RAMACL: variants seen among roughly 807,000 people sequenced by gnomAD.
RAMACL encodes RNA guanine-N7 methyltransferase-activating subunit-like protein.
Under a neutral mutation model 13.4 loss-of-function variants are expected in RAMACL, and 9 were observed. The observed-to-expected ratio is 0.67, with a 90% CI of 0.41 to 1.17. The LOEUF is 1.17. RAMACL is among the 50% of genes most tolerant of loss of function. The probability of loss-of-function intolerance (pLI) is 0.01; values close to 1 mark genes in which losing one functional copy is unlikely to be tolerated. For missense variants in RAMACL, 124 were observed against 141.6 expected, an observed-to-expected ratio of 0.88 and a Z score of 0.63; for synonymous variants, 39 against 49.3, an observed-to-expected ratio of 0.79 and a Z score of 0.88.
At chr6:166,584,936 G>T (rs1042341464), downstream of RAMACL, among the ~76,000 whole-genome samples, 6 of 152,232 alleles carry the variant, frequency 3.9e-5, no homozygotes, top group Non-Finnish European at 5.9e-5. Flanking sequence ...TTAAGATCCC[G>T]AGGGGGTGGC....
At chr6:166,586,528 G>A (rs1366048917) in exon 1 of RAMACL, 4 of 1,537,702 alleles carry the variant, frequency 2.6e-6, no homozygotes, top group Non-Finnish European at 3.5e-6. Flanking sequence ...TGTTTAGGTT[G>A]TTTAAATCCG....
chr6:166,585,049 T>A, downstream of RAMACL, among the ~76,000 whole-genome samples: 1 of 151,908 alleles, frequency 6.6e-6, no homozygotes, highest in Non-Finnish European at 1.5e-5. Flanking sequence ...TCTTTGCACC[T>A]CTGAGTGCTG....
At chr6:166,585,260 A>G (rs1320816176), downstream of RAMACL, among the ~76,000 whole-genome samples, 5 of 152,182 alleles carry the variant, frequency 3.3e-5, no homozygotes. Context: ...GCTGGGATGG[A>G]CTTTCAGTCT....
At chr6:166,585,456 T>C (rs1220557804), downstream of RAMACL, among the ~76,000 whole-genome samples, 3 of 151,906 alleles carry the variant, frequency 2.0e-5, no homozygotes, top group Non-Finnish European at 4.4e-5. Context: ...GGCTGATCTT[T>C]TAAGGTTAAA....
downstream of RAMACL, among the ~76,000 whole-genome samples, chr6:166,584,295 C>A (rs1474928525): frequency 7.2e-5 from 11 of 152,200 alleles, no homozygotes; most frequent in Non-Finnish European, 1.5e-4. Context: ...GGACACTACT[C>A]CCATCGAATC....
At chr6:166,583,792 A>T (rs1785091535), downstream of RAMACL, among the ~76,000 whole-genome samples, 1 of 152,240 alleles carries the variant, frequency 6.6e-6, no homozygotes, top group Admixed American at 6.5e-5. Flanking sequence ...GTACTATGCC[A>T]CAGGAAGAAA....
chr6:166,583,437 G>A (rs920389302), downstream of RAMACL, among the ~76,000 whole-genome samples: 9 of 152,214 alleles, frequency 5.9e-5, no homozygotes, highest in Non-Finnish European at 7.3e-5. Context: ...GCACAGAGGC[G>A]AAAACCAATG....
chr6:166,585,517 T>TTC (rs1785142495), downstream of RAMACL, among the ~76,000 whole-genome samples: 1 of 122,190 alleles, frequency 8.2e-6, no homozygotes, highest in Non-Finnish European at 1.5e-5. Flanking sequence ...TTTTTTTTTT[T>TTC]TTCCTTATTT....
downstream of RAMACL, among the ~76,000 whole-genome samples, chr6:166,584,397 A>C (rs4710071): frequency 6.6e-6 from 1 of 152,088 alleles, no homozygotes; most frequent in Non-Finnish European, 1.5e-5. Context: ...GGAGCTTCCA[A>C]ATGTGAACAT....
downstream of RAMACL, among the ~76,000 whole-genome samples, chr6:166,583,871 C>T (rs550029523): frequency 2.0e-5 from 3 of 152,268 alleles, no homozygotes; most frequent in South Asian, 4.1e-4. Flanking sequence ...CTAATGGTAA[C>T]ATAGGTTAGA....
chr6:166,585,257 T>C (rs1482737759), downstream of RAMACL, among the ~76,000 whole-genome samples: 1 of 152,244 alleles, frequency 6.6e-6, no homozygotes, highest in Non-Finnish European at 1.5e-5. Context: ...CTCGCTGGGA[T>C]GGACTTTCAG....
downstream of RAMACL, among the ~76,000 whole-genome samples, chr6:166,583,751 T>C (rs1197536104): frequency 6.6e-6 from 1 of 152,194 alleles, no homozygotes; most frequent in Non-Finnish European, 1.5e-5. Context: ...ACTTGGCTTG[T>C]TTCAGTCCAG....
At chr6:166,586,429 T>C (rs1785176735) in exon 1 of RAMACL, 5 of 1,599,976 alleles carry the variant, frequency 3.1e-6, no homozygotes, top group African/African-American at 1.6e-5. Context: ...GTGAATCTAC[T>C]AGCAAACATC....
downstream of RAMACL, among the ~76,000 whole-genome samples, chr6:166,583,404 T>C (rs1413666451): frequency 6.6e-6 from 1 of 152,168 alleles, no homozygotes; most frequent in Non-Finnish European, 1.5e-5. Flanking sequence ...GTCTTGGTGA[T>C]TAAATTGTTG....
chr6:166,584,541 C>G (rs1006329446), downstream of RAMACL, among the ~76,000 whole-genome samples: 6 of 152,156 alleles, frequency 3.9e-5, no homozygotes, highest in African/African-American at 1.4e-4. Flanking sequence ...TCTATTAGGC[C>G]AGTTATGTCA....
chr6:166,585,590 G>A (rs1583302333), downstream of RAMACL, among the ~76,000 whole-genome samples: 4 of 63,304 alleles, frequency 6.3e-5, no homozygotes, highest in Admixed American at 2.3e-4. Context: ...CTCATCTATA[G>A]ATTAAGGAAT....
At chr6:166,585,359 T>A (rs1785135277), downstream of RAMACL, among the ~76,000 whole-genome samples, 1 of 152,182 alleles carries the variant, frequency 6.6e-6, no homozygotes, top group Non-Finnish European at 1.5e-5. Context: ...TCTGTATTGA[T>A]TAGTTATGGT....
chr6:166,585,238 G>A (rs369958594), downstream of RAMACL, among the ~76,000 whole-genome samples: 3 of 152,204 alleles, frequency 2.0e-5, no homozygotes, highest in South Asian at 2.1e-4. Flanking sequence ...GCTGGGAAAC[G>A]AAGCCGTCCT....
chr6:166,583,795 G>A (rs930665542), downstream of RAMACL, among the ~76,000 whole-genome samples: 2 of 152,198 alleles, frequency 1.3e-5, no homozygotes, highest in Non-Finnish European at 2.9e-5. Flanking sequence ...CTATGCCACA[G>A]GAAGAAATGT....
Sources: allele counts gnomAD v4.1 joint callset (sites outside exome capture counted in the v4.1 genomes callset), GRCh38; gene constraint gnomAD v4.1.1; transcripts MANE v1.5; gene names NCBI Gene and HGNC (gene_info 2026-07-23, HGNC 2026-07-21).